The following UBE2Q2 variants were observed in gnomAD, a reference collection of about 807,000 sequenced individuals.
UBE2Q2 encodes the protein ubiquitin-conjugating enzyme E2 Q2.
Under a neutral mutation model 59.9 loss-of-function variants are expected in UBE2Q2, and 54 were observed. The observed-to-expected ratio is 0.90, with a 90% CI of 0.72 to 1.13. UBE2Q2 has a LOEUF of 1.13. Ranked by LOEUF, UBE2Q2 falls within the 50% of genes most tolerant of loss-of-function variation. UBE2Q2 has a pLI of 0.00. For synonymous variants in UBE2Q2, 165 were observed against 155.2 expected (o/e 1.06, Z -0.47); for missense variants, 433 against 441.9 (o/e 0.98, Z 0.18).
At chr15:75,844,846 C>T (rs1260014522) in intron 1 of UBE2Q2, among the ~76,000 whole-genome samples, 5 of 152,050 alleles carry the variant, frequency 3.3e-5, no homozygotes, top group Non-Finnish European at 7.4e-5. Flanking sequence ...TTTTAACTCC[C>T]TTTGGTTGAG....
chr15:75,897,222 A>ATTTATTTTATTTTAT (rs374922551), intron 12 of UBE2Q2, among the ~76,000 whole-genome samples, 161 bp downstream of exon 12: 1 of 151,376 alleles, frequency 6.6e-6, no homozygotes, highest in South Asian at 2.1e-4. Flanking sequence ...TTATTTATTT[A>ATTTATTTTATTTTAT]TTTATTTTAT....
At chr15:75,863,734 G>A (rs886397796) in intron 3 of UBE2Q2, among the ~76,000 whole-genome samples, 5 of 151,544 alleles carry the variant, frequency 3.3e-5, no homozygotes, top group Admixed American at 6.6e-5. Flanking sequence ...CCTCCGCTTC[G>A]TGGGTTCAAG....
At chr15:75,864,828 C>T (rs1897376232) in intron 3 of UBE2Q2, among the ~76,000 whole-genome samples, 1 of 151,546 alleles carries the variant, frequency 6.6e-6, no homozygotes, top group African/African-American at 2.4e-5. Flanking sequence ...TAATTATTTC[C>T]CCTTTTTATT....
intron 1 of UBE2Q2, among the ~76,000 whole-genome samples, chr15:75,851,047 T>C (rs1896611493): frequency 6.6e-6 from 1 of 152,184 alleles, no homozygotes; most frequent in South Asian, 2.1e-4. Context: ...CTTGAAATAA[T>C]GTAAACAAAA....
At chr15:75,844,400 G>A (rs1259761208) in intron 1 of UBE2Q2, 1 of 1,551,572 alleles carries the variant, frequency 6.4e-7, no homozygotes, top group Non-Finnish European at 8.7e-7. Context: ...TGCAGACTCT[G>A]GTGCTGTTTG....
At chr15:75,847,085 T>C (rs1896391536) in intron 1 of UBE2Q2, among the ~76,000 whole-genome samples, 1 of 152,240 alleles carries the variant, frequency 6.6e-6, no homozygotes, top group Non-Finnish European at 1.5e-5. Context: ...TGTTTTCTTA[T>C]GCTGTATTCT....
At chr15:75,891,755 T>C (rs1388238381) in intron 11 of UBE2Q2, among the ~76,000 whole-genome samples, 1 of 152,244 alleles carries the variant, frequency 6.6e-6, no homozygotes, top group Non-Finnish European at 1.5e-5. Flanking sequence ...GCATAGGCTG[T>C]AATGTTAATT....
intron 1 of UBE2Q2, among the ~76,000 whole-genome samples, chr15:75,849,263 A>T (rs1238641267): frequency 6.6e-6 from 1 of 152,240 alleles, no homozygotes; most frequent in Non-Finnish European, 1.5e-5. Flanking sequence ...CATTTATTGA[A>T]CAGCAAACTA....
chr15:75,879,027 T>C, intron 7 of UBE2Q2, 71 bp from the exon 8 acceptor site: 1 of 1,167,928 alleles, frequency 8.6e-7, no homozygotes, highest in Non-Finnish European at 1.2e-6. Flanking sequence ...TACTAGTTCA[T>C]TTTTGAGTTT....
intron 3 of UBE2Q2, among the ~76,000 whole-genome samples, chr15:75,865,503 C>T (rs1212171312): frequency 1.3e-5 from 2 of 152,132 alleles, no homozygotes; most frequent in Non-Finnish European, 2.9e-5. Context: ...TTTCATGGTA[C>T]CCCTGTGCCA....
chr15:75,861,475 A>T (rs545491955), intron 3 of UBE2Q2, among the ~76,000 whole-genome samples: 2 of 152,254 alleles, frequency 1.3e-5, no homozygotes, highest in African/African-American at 4.8e-5. Context: ...TGCTCAGTAC[A>T]CCAAATGGAT....
intron 1 of UBE2Q2, among the ~76,000 whole-genome samples, chr15:75,846,609 G>A (rs1191855450): frequency 1.3e-5 from 2 of 152,084 alleles, no homozygotes; most frequent in Admixed American, 1.3e-4. Context: ...AAAGATCAAG[G>A]GAAAAATGGG....
chr15:75,864,699 TTTTC>T (rs1415547379), intron 3 of UBE2Q2, among the ~76,000 whole-genome samples: 1 of 152,074 alleles, frequency 6.6e-6, no homozygotes, highest in Admixed American at 6.5e-5. Flanking sequence ...ACTTCAAAAG[TTTTC>T]TTTATCTTGA....
chr15:75,869,416 A>C (rs1166836877), intron 4 of UBE2Q2, among the ~76,000 whole-genome samples: 1 of 152,254 alleles, frequency 6.6e-6, no homozygotes, highest in Non-Finnish European at 1.5e-5. Flanking sequence ...TCTCTTGTTG[A>C]AAAATCATCA....
chr15:75,862,814 CAAAAAAAAAAAAA>C (rs71140182), intron 3 of UBE2Q2, among the ~76,000 whole-genome samples: 2 of 53,924 alleles, frequency 3.7e-5, no homozygotes, highest in Non-Finnish European at 7.0e-5. Context: ...AACCCTATCT[CAAAAAAAAAAAAA>C]AAAAAAAAAA....
At chr15:75,869,183 C>G (rs1897658950) in intron 4 of UBE2Q2, among the ~76,000 whole-genome samples, 173 bp downstream of exon 4, 1 of 152,108 alleles carries the variant, frequency 6.6e-6, no homozygotes, top group African/African-American at 2.4e-5. Flanking sequence ...AATGATATGC[C>G]TTTGAGCAAA....
At position 75,856,181 on chromosome 15, in the gene UBE2Q2, C is replaced by T. The variant is rs1036362242; in HGVS notation, c.282+1694C>T. Reference sequence around the variant, plus strand: ...TAGCCTAGGTGACGGAGTGAGACCCCGTCTCAAAAAAAAATGTATATATAT... The same window carrying T: ...TAGCCTAGGTGACGGAGTGAGACCCTGTCTCAAAAAAAAATGTATATATAT... On this transcript the variant is annotated intron_variant, in intron 2 of 12. Transcript: ENST00000267938. 4.7e-5 allele frequency among the ~76,000 whole-genome samples: 7 copies of T among 149,462 alleles called. No individual in the cohort carries two copies. In the East Asian group the frequency reaches 5.9e-4, roughly 13 times the overall value.
At chr15:75,878,254 T>G in intron 7 of UBE2Q2, 1 of 507,954 alleles carries the variant, frequency 2.0e-6, no homozygotes, top group Non-Finnish European at 3.5e-6. Context: ...AAGTGTTTTA[T>G]GGAGTTAGAG....
At chr15:75,892,399 C>T (rs335711) in intron 11 of UBE2Q2, among the ~76,000 whole-genome samples, 30,007 of 151,932 alleles carry the variant, frequency 0.2, 3,350 homozygotes, top group Admixed American at 0.29. Flanking sequence ...TTGGAATTAT[C>T]AGATACAGAA....
Sources: allele counts gnomAD v4.1 joint callset (sites outside exome capture counted in the v4.1 genomes callset), GRCh38; gene constraint gnomAD v4.1.1; transcripts MANE v1.5; gene names NCBI Gene and HGNC (gene_info 2026-07-23, HGNC 2026-07-21).